The following KLHL1 variants were observed in gnomAD, a reference collection of about 807,000 sequenced individuals.
KLHL1 encodes the protein kelch like family member 1.
In KLHL1, 47 loss-of-function variants were observed where a neutral mutation model predicts 77.7. The ratio of observed to expected loss-of-function variants is 0.60; its 90% CI spans 0.48 to 0.77. The LOEUF (loss-of-function observed/expected upper bound fraction) is 0.77. Among genes scored for constraint, KLHL1 ranks in the 30% least tolerant of loss-of-function variants. The probability of loss-of-function intolerance (pLI) is 0.00; values close to 1 mark genes in which losing one functional copy is unlikely to be tolerated. For synonymous variants in KLHL1, 360 were observed against 325.2 expected, an observed-to-expected ratio of 1.11 and a Z score of -1.15; for missense variants, 925 against 910.8, an observed-to-expected ratio of 1.02 and a Z score of -0.20.
At chr13:69,800,244 G>T (rs1877315583) in intron 6 of KLHL1, among the ~76,000 whole-genome samples, 1 of 152,138 alleles carries the variant, frequency 6.6e-6, no homozygotes, top group Non-Finnish European at 1.5e-5. Flanking sequence ...AGAATAATCT[G>T]TTTATGTTAA....
intron 1 of KLHL1, among the ~76,000 whole-genome samples, chr13:70,085,640 G>A (rs908854860): frequency 3.3e-5 from 5 of 152,190 alleles, no homozygotes; most frequent in African/African-American, 4.8e-5. Context: ...GAGGCTGGAA[G>A]ATCACCTGAG....
At chr13:69,954,784 A>G (rs1270405630) in intron 3 of KLHL1, among the ~76,000 whole-genome samples, 13 of 141,592 alleles carry the variant, frequency 9.2e-5, no homozygotes, top group African/African-American at 3.4e-4. Flanking sequence ...GTTTCATACG[A>G]TAGTACTAAA....
At position 69,991,379 on chromosome 13, in the gene KLHL1, AAAC is replaced by A. The variant is rs200451937; in HGVS notation, c.498-15580_498-15578del. 8.0e-3 allele frequency among the ~76,000 whole-genome samples: 1,209 copies of A among 151,194 alleles called. 18 individuals are homozygous for A. Among genetic ancestry groups the A allele is most frequent in the African/African-American group, 0.028 (1,167 of 41,406 alleles). ...ACAGATCTAGGAGTTGGTTCTTTGA[AAAC>A]AACAACAATGACAACAACAACAACA... is the stretch of plus-strand genomic sequence containing the variant. On this transcript the variant is annotated intron_variant, in intron 1 of 10. Transcript: ENST00000377844.
chr13:69,720,964 TG>T (rs1873018249), intron 8 of KLHL1, among the ~76,000 whole-genome samples: 1 of 131,286 alleles, frequency 7.6e-6, no homozygotes, highest in Non-Finnish European at 1.6e-5. Context: ...AAATAAATCC[TG>T]GGACTCCCAA....
At chr13:69,890,652 A>G (rs186158795) in intron 4 of KLHL1, among the ~76,000 whole-genome samples, 1 of 151,944 alleles carries the variant, frequency 6.6e-6, no homozygotes, top group East Asian at 1.9e-4. Context: ...ACACGCACAC[A>G]CACACACACA....
intron 1 of KLHL1, among the ~76,000 whole-genome samples, chr13:70,096,320 A>AG (rs1010728871): frequency 6.6e-6 from 1 of 152,024 alleles, no homozygotes; most frequent in Admixed American, 6.6e-5. Context: ...ACAGCATATG[A>AG]GGGCTCCCCT....
chr13:69,833,854 TATACAC>T lies in KLHL1; in HGVS notation c.1414+5116_1414+5121del, dbSNP rs752955871. ...ATACATATATATATACACACACATA[TATACAC>T]ACACACACACACACACACATATGCC... is the stretch of plus-strand genomic sequence containing the variant. On this transcript the variant is annotated intron_variant, in intron 6 of 10. Transcript: ENST00000377844. Among the ~76,000 whole-genome samples the T allele has an allele frequency of 7.8e-3, 1,118 of 142,424 alleles. 10 individuals are homozygous for T. Among genetic ancestry groups the T allele is most frequent in the African/African-American group, 0.029 (1,049 of 35,750 alleles). The allele number at this position is 142,424 out of a possible 152,430, so 93.4% of individuals were successfully genotyped here. A position where few individuals can be genotyped will look rare whatever the true frequency, so the allele number is the denominator to read the frequency against.
chr13:69,757,371 C>T (rs1000076964), intron 7 of KLHL1, among the ~76,000 whole-genome samples: 3 of 152,008 alleles, frequency 2.0e-5, no homozygotes, highest in Admixed American at 1.3e-4. Context: ...TATATCAAGA[C>T]ATATTCAAAT....
chr13:69,741,591 C>T (rs1873989606), intron 7 of KLHL1, among the ~76,000 whole-genome samples: 1 of 152,092 alleles, frequency 6.6e-6, no homozygotes, highest in African/African-American at 2.4e-5. Context: ...TAGGGTGATC[C>T]AAAGAAGGTA....
At chr13:70,086,724 A>C (rs1205672691) in intron 1 of KLHL1, among the ~76,000 whole-genome samples, 1 of 149,270 alleles carries the variant, frequency 6.7e-6, no homozygotes, top group Non-Finnish European at 1.5e-5. Context: ...TTTTTTTTCA[A>C]ATCTTACCTC....
At chr13:69,977,251 AT>A (rs1174880328) in intron 1 of KLHL1, among the ~76,000 whole-genome samples, 1 of 152,092 alleles carries the variant, frequency 6.6e-6, no homozygotes, top group African/African-American at 2.4e-5. Flanking sequence ...GTTCGAATAT[AT>A]GGATCACAAT....
At chr13:69,709,976 C>T (rs1021230389) in intron 9 of KLHL1, among the ~76,000 whole-genome samples, 1 of 151,580 alleles carries the variant, frequency 6.6e-6, no homozygotes, top group Non-Finnish European at 1.5e-5. Context: ...TTCATATTAT[C>T]CTCATTTAAT....
intron 7 of KLHL1, among the ~76,000 whole-genome samples, chr13:69,781,915 C>T (rs1055559295): frequency 5.2e-4 from 73 of 140,942 alleles, no homozygotes; most frequent in Admixed American, 3.5e-4. Flanking sequence ...ATTTAATAGT[C>T]ATTTTATTGC....
intron 4 of KLHL1, among the ~76,000 whole-genome samples, chr13:69,898,249 C>G (rs1448163311): frequency 6.6e-6 from 1 of 152,176 alleles, no homozygotes; most frequent in African/African-American, 2.4e-5. Context: ...TCCCAGTAAG[C>G]CTAAGGATGA....
At position 69,767,008 on chromosome 13, in the gene KLHL1, A is replaced by G. The variant is rs191242397; in HGVS notation, c.1640-26452T>C. On this transcript the variant is annotated intron_variant, in intron 7 of 10. Transcript: ENST00000377844. ...AACAGCATAGACAATTTTGGTATAC[A>G]TTACCCATATCAAAGTAGCAATTGG... 5.1e-4 allele frequency among the ~76,000 whole-genome samples: 78 copies of G among 152,332 alleles called. No individual in the cohort carries two copies. The East Asian group carries it at 0.012, about 24-fold the overall frequency.
chr13:70,010,162 A>C (rs896604971), intron 1 of KLHL1, among the ~76,000 whole-genome samples: 1 of 152,148 alleles, frequency 6.6e-6, no homozygotes, highest in African/African-American at 2.4e-5. Flanking sequence ...TTTTTTCTGT[A>C]ATGTCTTGTA....
At chr13:69,980,946 T>G (rs1442157529) in intron 1 of KLHL1, among the ~76,000 whole-genome samples, 1 of 152,190 alleles carries the variant, frequency 6.6e-6, no homozygotes, top group Admixed American at 6.5e-5. Context: ...GTGTTTTTGT[T>G]TACTTTTGGT....
intron 7 of KLHL1, among the ~76,000 whole-genome samples, chr13:69,746,566 A>G (rs965962905): frequency 1.3e-5 from 2 of 151,944 alleles, no homozygotes; most frequent in Non-Finnish European, 2.9e-5. Context: ...ATTTTATTTG[A>G]TACAATTTTA....
intron 7 of KLHL1, among the ~76,000 whole-genome samples, chr13:69,767,376 T>G (rs566361814): frequency 6.6e-6 from 1 of 152,190 alleles, no homozygotes; most frequent in African/African-American, 2.4e-5. Flanking sequence ...TAAAAACTCT[T>G]TTTTAGCAAC....
Sources: allele counts gnomAD v4.1 joint callset (sites outside exome capture counted in the v4.1 genomes callset), GRCh38; gene constraint gnomAD v4.1.1; transcripts MANE v1.5; gene names NCBI Gene and HGNC (gene_info 2026-07-23, HGNC 2026-07-21).